Variants in PRKDC observed in about 807,000 individuals in gnomAD.
The protein encoded by PRKDC is DNA-dependent protein kinase catalytic subunit.
In PRKDC, 82 loss-of-function variants were observed where a neutral mutation model predicts 486.9. The ratio of observed to expected loss-of-function variants is 0.17; its 90% CI spans 0.14 to 0.20. The LOEUF (loss-of-function observed/expected upper bound fraction) is 0.20, where lower values mean the gene tolerates loss of function less well. Among genes scored for constraint, PRKDC ranks in the 10% least tolerant of loss-of-function variants. The pLI is 1.00. For synonymous variants in PRKDC, 1,895 were observed against 1,837.0 expected, an observed-to-expected ratio of 1.03 and a Z score of -0.81; for missense variants, 4,504 against 5,038.2, an observed-to-expected ratio of 0.89 and a Z score of 3.21.
intron 12 of PRKDC, among the ~76,000 whole-genome samples, 175 bp downstream of exon 12, chr8:47,936,178 C>G (rs565200907): frequency 6.6e-6 from 1 of 152,068 alleles, no homozygotes; most frequent in South Asian, 2.1e-4. Flanking sequence ...TTTTCCTGTT[C>G]TGGATAACAA....
At chr8:47,904,788 CT>C (rs1381629106) in intron 26 of PRKDC, 80 bp downstream of exon 26, 1 of 1,186,046 alleles carries the variant, frequency 8.4e-7, no homozygotes, top group East Asian at 2.4e-5. Flanking sequence ...GCAAGACTGT[CT>C]CAAAAACATA....
intron 40 of PRKDC, among the ~76,000 whole-genome samples, chr8:47,872,893 C>G (rs2088990235): frequency 6.6e-6 from 1 of 152,094 alleles, no homozygotes; most frequent in Non-Finnish European, 1.5e-5. Flanking sequence ...AACAGAAAAT[C>G]AGTCAACAAA....
intron 25 of PRKDC, among the ~76,000 whole-genome samples, chr8:47,909,588 C>A (rs1168280702): frequency 6.6e-6 from 1 of 152,200 alleles, no homozygotes; most frequent in Non-Finnish European, 1.5e-5. Flanking sequence ...TGACTGCCTA[C>A]AGGGTCAGGC....
rs1326335709 is a variant in PRKDC at position 47,877,871 on chromosome 8, A to G, written c.5236-20T>C. The G allele has an allele frequency of 3.5e-6, 5 of 1,420,478 alleles. No individual in the cohort carries two copies. The Admixed American group carries it at 6.9e-5, about 20-fold the overall frequency. 88.0% of individuals were successfully genotyped at this position (1,420,478 alleles called of 1,614,324 possible). A position where few individuals can be genotyped will look rare whatever the true frequency, so the allele number is the denominator to read the frequency against. On this transcript the variant is annotated intron_variant, in intron 39 of 85. Transcript: ENST00000314191. ...TAGAAACTAGAAAAAATACATCAAC[A>G]TCATTAAAATTTTGTTGGGTTTTAC...
chr8:47,957,083 C>G, intron 3 of PRKDC, 88 bp downstream of exon 3: 2 of 830,188 alleles, frequency 2.4e-6, no homozygotes, highest in East Asian at 3.2e-5. Context: ...AATGTTTTAT[C>G]TTTAAAATAA....
intron 69 of PRKDC, 41 bp from the exon 70 acceptor site, chr8:47,803,521 T>C (rs1563742886): frequency 6.3e-7 from 1 of 1,597,064 alleles, no homozygotes; most frequent in African/African-American, 1.3e-5. Context: ...GGTATGATGA[T>C]ACACAAGTGA....
intron 58 of PRKDC, among the ~76,000 whole-genome samples, chr8:47,834,686 CTTTTTTTTTTTT>C (rs1014285595): frequency 2.1e-5 from 2 of 96,778 alleles, no homozygotes; most frequent in East Asian, 5.8e-4. Context: ...GAACCCCTGA[CTTTTTTTTTTTT>C]TTTTTTTTTT....
chr8:47,800,643 CATAA>C (rs2087087333), intron 71 of PRKDC, 146 bp downstream of exon 71: 3 of 534,436 alleles, frequency 5.6e-6, no homozygotes, highest in Non-Finnish European at 8.8e-6. Context: ...AAAACAAATA[CATAA>C]ATAAAAAGAA....
intron 68 of PRKDC, among the ~76,000 whole-genome samples, chr8:47,814,604 TA>T (rs2154498727): frequency 6.6e-6 from 1 of 152,172 alleles, no homozygotes; most frequent in East Asian, 1.9e-4. Context: ...AAACATAAAA[TA>T]CTTAGGAATA....
chr8:47,927,493 G>A, intron 20 of PRKDC, 140 bp from the exon 21 acceptor site: 1 of 1,069,642 alleles, frequency 9.3e-7, no homozygotes, highest in Non-Finnish European at 1.3e-6. Flanking sequence ...GTTCAGTCCA[G>A]GTAATTAGGA....
At chr8:47,810,072 T>A (rs1344964152) in intron 68 of PRKDC, among the ~76,000 whole-genome samples, 1 of 152,196 alleles carries the variant, frequency 6.6e-6, no homozygotes, top group African/African-American at 2.4e-5. Flanking sequence ...AGTGTGCATG[T>A]GCAGACAGAC....
rs2090607383 is a variant in PRKDC, at chr8:47,950,391, C to T, written c.721+3229G>A. Among the ~76,000 whole-genome samples the T allele has an allele frequency of 2.6e-5, 4 of 151,904 alleles. No individual in the cohort carries two copies. The South Asian group carries it at 6.2e-4, about 24-fold the overall frequency. The stretch of plus-strand genomic sequence containing the variant: ...CTGTAATCCCAGCACTTTGGGAGGC[C>T]GAGCCGGGCAGATCACGAGGTGAGG... On this transcript the variant is annotated intron_variant, in intron 7 of 85. Coordinates refer to ENST00000314191, the MANE Select transcript of PRKDC (RefSeq NM_006904.7).
chr8:47,927,111 T>C, intron 21 of PRKDC, 83 bp downstream of exon 21: 2 of 1,326,840 alleles, frequency 1.5e-6, no homozygotes, highest in Non-Finnish European at 2.0e-6. Context: ...ATTTCAGAAG[T>C]TACAAAAATA....
chr8:47,807,092 G>C lies in PRKDC; in HGVS notation c.9747+45C>G, dbSNP rs375969493. ...CTAAAATTAGAGAAAAGCTAATTTA[G>C]CAAAATCCTGTGACACAGCAGGGAG... On this transcript the variant is annotated intron_variant, in intron 69 of 85. Transcript: ENST00000314191. The C allele has an allele frequency of 8.3e-6, 13 of 1,557,344 alleles. No homozygotes were observed. The African/African-American group carries it at 1.6e-4, about 20-fold the overall frequency.
At chr8:47,844,640 A>T (rs1320057184) in intron 54 of PRKDC, among the ~76,000 whole-genome samples, 1 of 152,218 alleles carries the variant, frequency 6.6e-6, no homozygotes, top group Non-Finnish European at 1.5e-5. Flanking sequence ...GCTCAGCCAT[A>T]AAGCAAGCCT....
rs180841667 is a variant in PRKDC, at chr8:47,866,430, G to A, written c.5364-1667C>T. Among the ~76,000 whole-genome samples the A allele has an allele frequency of 2.8e-3, 420 of 152,244 alleles. 7 individuals are homozygous for A. The highest frequency in any genetic ancestry group is 0.025 in the Admixed American group (389 of 15,304). ...TCCTAGGCTCATTTTCTCTTGAGGA[G>A]CTTTCCACTAGCAAGCACAGTAGAG... On this transcript the variant is annotated intron_variant, in intron 40 of 85. Transcript: ENST00000314191.
chr8:47,816,768 T>C lies in PRKDC; in HGVS notation c.9557+682A>G, dbSNP rs574668130. Among the ~76,000 whole-genome samples the C allele has an allele frequency of 3.3e-5, 5 of 151,604 alleles. No homozygotes were observed. The East Asian group carries it at 9.7e-4, about 29-fold the overall frequency. On this transcript the variant is annotated intron_variant, in intron 68 of 85. Transcript: ENST00000314191. ...ATCTGGGTTAAAGAACCCAGGAGAG[T>C]ACTACTTTTCTTGCAACTTTTCCAC...
intron 67 of PRKDC, among the ~76,000 whole-genome samples, chr8:47,818,903 A>G (rs935839486): frequency 6.6e-6 from 1 of 152,226 alleles, no homozygotes; most frequent in African/African-American, 2.4e-5. Context: ...GCACTGGGAT[A>G]AAACCCACTC....
chr8:47,912,277 C>T, intron 25 of PRKDC, 133 bp downstream of exon 25: 1 of 1,010,854 alleles, frequency 9.9e-7, no homozygotes, highest in Non-Finnish European at 1.3e-6. Flanking sequence ...TAAACCAGAG[C>T]ACCTGGGGTA....
Sources: allele counts gnomAD v4.1 joint callset (sites outside exome capture counted in the v4.1 genomes callset), GRCh38; gene constraint gnomAD v4.1.1; transcripts MANE v1.5; gene names NCBI Gene and HGNC (gene_info 2026-07-23, HGNC 2026-07-21).